Variants in ARHGAP36 observed in about 807,000 individuals in gnomAD.
ARHGAP36 encodes the protein Rho GTPase activating protein 36.
In ARHGAP36, 7 loss-of-function variants were observed where a neutral mutation model predicts 32.9. The ratio of observed to expected loss-of-function variants is 0.21; its 90% CI spans 0.12 to 0.40. The LOEUF is 0.40. Ranked by LOEUF, ARHGAP36 falls within the 10% of genes least tolerant of loss-of-function variation. The pLI, the probability that ARHGAP36 is intolerant of heterozygous loss-of-function variation, is 1.00. For missense variants in ARHGAP36, 383 were observed against 442.2 expected (o/e 0.87, Z 1.20); for synonymous variants, 165 against 168.3 (o/e 0.98, Z 0.15).
rs768581840 is a variant in ARHGAP36, at chrX:131,081,784, G to T, written c.119G>T (p.Gly40Val). 8.3e-7 allele frequency: 1 copy of T among 1,211,987 alleles called. No homozygotes were observed. The change falls in exon 2 of 12, where the codon GGA (glycine) becomes GTA (valine). Residue 40 changes from glycine (G) to valine (V), a missense_variant. Gly to Val is a moderately radical substitution (Grantham distance 109). Coordinates refer to ENST00000276211, the MANE Select transcript of ARHGAP36 (RefSeq NM_144967.4). ...FLVSVLGGAPGHNPDRRTKMV... is the reference protein window; with the variant it reads ...FLVSVLGGAPVHNPDRRTKMV... ...GTGAGTGTCTTGGGAGGAGCCCCAGGACACAACCCCGACCGCAGGACGAAG... is the reference window on the plus strand; with the variant it reads ...GTGAGTGTCTTGGGAGGAGCCCCAGTACACAACCCCGACCGCAGGACGAAG...
rs756805115 is a variant in ARHGAP36 at position 131,080,430 on chromosome X, G to T, written c.-142-1094G>T. Among the ~76,000 whole-genome samples, 3 of 110,770 alleles carry T rather than the reference G, an allele frequency of 2.7e-5. No individual in the cohort carries two copies. In the South Asian group the frequency reaches 1.2e-3, roughly 43 times the overall value. On this transcript the variant is annotated intron_variant, in intron 1 of 11. Coordinates refer to ENST00000276211, the MANE Select transcript of ARHGAP36 (RefSeq NM_144967.4). ...AAAAAAAAAGAAATAGTATTACCTTGCTCATCCTTTCAATCTTTAGCGCCT... is the reference window on the plus strand; with the variant it reads ...AAAAAAAAAGAAATAGTATTACCTTTCTCATCCTTTCAATCTTTAGCGCCT...
chrX:131,082,851 G>C (rs1476212321), intron 2 of ARHGAP36, among the ~76,000 whole-genome samples: 1 of 113,228 alleles, frequency 8.8e-6, no homozygotes, highest in East Asian at 2.8e-4. Context: ...GGGGGCTTCA[G>C]AGCCCCGGAA....
rs769587671 is a variant in ARHGAP36, at chrX:131,083,202, G to C, written c.291G>C (p.Trp97Cys). 2 of 1,209,852 alleles carry C rather than the reference G, an allele frequency of 1.7e-6. No individual in the cohort carries two copies. Among genetic ancestry groups the C allele is most frequent in the Admixed American group, 2.2e-5 (1 of 45,835 alleles). The change falls in exon 3 of 12, where the codon TGG (tryptophan) becomes TGC (cysteine). Residue 97 changes from tryptophan (W) to cysteine (C), a missense_variant. This residue lies in a region of ARHGAP36 where 156 missense variants were observed against 131.0 expected (regional missense o/e 1.19). Coordinates refer to ENST00000276211, the MANE Select transcript of ARHGAP36 (RefSeq NM_144967.4). ...ACCGTCCGAACACCTTGGATAAGTG[G>C]TTTCTGATTTTGAGAGGACAGCAGA... ...PIDRPNTLDKWFLILRGQQRA... is the reference protein window; with the variant it reads ...PIDRPNTLDKCFLILRGQQRA...
At chrX:131,074,434 G>A (rs1225862178) in intron 1 of ARHGAP36, among the ~76,000 whole-genome samples, 1 of 108,032 alleles carries the variant, frequency 9.3e-6, no homozygotes, top group Non-Finnish European at 1.9e-5. Context: ...TCTGTGAGTG[G>A]GAATATGTGT....
chrX:131,085,828 A>G, intron 8 of ARHGAP36, 85 bp from the exon 9 acceptor site: 1 of 1,176,360 alleles, frequency 8.5e-7, no homozygotes, highest in South Asian at 1.9e-5. Flanking sequence ...GGAGAGAGAG[A>G]AACAAGAATA....
chrX:131,074,523 C>T (rs1003154126), intron 1 of ARHGAP36, among the ~76,000 whole-genome samples: 3 of 111,203 alleles, frequency 2.7e-5, no homozygotes, highest in Non-Finnish European at 5.7e-5. Flanking sequence ...AGAATGAATC[C>T]GAATTTACAG....
chrX:131,075,621 A>ATGTGTGTG (rs764591310), intron 1 of ARHGAP36, among the ~76,000 whole-genome samples: 9 of 28,379 alleles, frequency 3.2e-4, no homozygotes, highest in African/African-American at 9.6e-4. Flanking sequence ...GTGTGTATAT[A>ATGTGTGTG]TATGTGTGTG....
At chrX:131,086,919 AGAT>A (rs1365207184) in intron 11 of ARHGAP36, among the ~76,000 whole-genome samples, 2 of 111,918 alleles carry the variant, frequency 1.8e-5, no homozygotes, top group African/African-American at 3.2e-5. Context: ...TTGATGAGGA[AGAT>A]GATGATGATG....
intron 1 of ARHGAP36, among the ~76,000 whole-genome samples, chrX:131,060,969 G>A (rs1375508774): frequency 8.9e-6 from 1 of 111,809 alleles, no homozygotes; most frequent in East Asian, 2.8e-4. Context: ...GGCTATAATT[G>A]CTTTGGTGCC....
rs2079825797 is a variant in ARHGAP36 at position 131,084,814 on chromosome X, T to G, written c.805-100T>G. The G allele has an allele frequency of 2.6e-6, 3 of 1,168,596 alleles. No homozygotes were observed. In the Admixed American group the frequency reaches 6.8e-5, roughly 26 times the overall value. The stretch of plus-strand genomic sequence containing the variant: ...TTTGTAGCCCCCAGGCCCACCATAT[T>G]GCCAGCTACCTCCACTGAATACTGG... On this transcript the variant is annotated intron_variant, in intron 6 of 11. Transcript: ENST00000276211.
chrX:131,083,205 T>C lies in ARHGAP36; in HGVS notation c.294T>C (p.Phe98=). The C allele has an allele frequency of 1.7e-6, 2 of 1,211,506 alleles. No homozygotes were observed. Among genetic ancestry groups the C allele is most frequent in the East Asian group, 5.9e-5 (2 of 33,840 alleles). Residue 98 remains phenylalanine (F), a synonymous_variant, in exon 3 of 12, where the codon TTT becomes TTC. Transcript: ENST00000276211. ...GTCCGAACACCTTGGATAAGTGGTT[T>C]CTGATTTTGAGAGGACAGCAGAGGG... ...IDRPNTLDKW[F]LILRGQQRAV... is the part of the protein sequence containing the mutation.
At chrX:131,060,575 T>C (rs1383929419) in intron 1 of ARHGAP36, among the ~76,000 whole-genome samples, 1 of 112,683 alleles carries the variant, frequency 8.9e-6, no homozygotes, top group Non-Finnish European at 1.9e-5. Flanking sequence ...GCTACTCTTT[T>C]TCCTTAAGTA....
chrX:131,072,328 A>C (rs151064244), intron 1 of ARHGAP36, among the ~76,000 whole-genome samples: 67 of 112,065 alleles, frequency 6.0e-4, no homozygotes, highest in African/African-American at 2.0e-3. Flanking sequence ...GGCCCTAGAC[A>C]AGAAGACCAG....
chrX:131,068,011 C>CG (rs1406922909), intron 1 of ARHGAP36, among the ~76,000 whole-genome samples: 1 of 111,571 alleles, frequency 9.0e-6, no homozygotes, highest in Non-Finnish European at 1.9e-5. Flanking sequence ...CCACAAACCC[C>CG]GGCAGGAACA....
At chrX:131,069,519 C>G (rs753593524) in intron 1 of ARHGAP36, among the ~76,000 whole-genome samples, 1 of 111,329 alleles carries the variant, frequency 9.0e-6, no homozygotes, top group Non-Finnish European at 1.9e-5. Context: ...TTCCCTCCCT[C>G]TTTCCCCCAC....
chrX:131,088,596 C>T, intron 11 of ARHGAP36, 32 bp from the exon 12 acceptor site: 2 of 1,198,916 alleles, frequency 1.7e-6, no homozygotes, highest in Admixed American at 2.2e-5. Flanking sequence ...AGTCTAGAAA[C>T]ATAAGGAGTT....
At chrX:131,079,521 T>A (rs746610743) in intron 1 of ARHGAP36, among the ~76,000 whole-genome samples, 6 of 107,874 alleles carry the variant, frequency 5.6e-5, no homozygotes, top group Non-Finnish European at 1.2e-4. Flanking sequence ...AAAATTCAAG[T>A]ATGGTTTATT....
intron 1 of ARHGAP36, chrX:131,072,860 G>C (rs985752105): frequency 8.9e-6 from 1 of 112,068 alleles, no homozygotes; most frequent in South Asian, 3.7e-4. Context: ...TCCTCACCGC[G>C]GCAAGCTTTC....
In ARHGAP36 at chrX:131,072,354, A is replaced by G. The variant is rs181845278; in HGVS notation, c.-142-9170A>G. On this transcript the variant is annotated intron_variant, in intron 1 of 11. Transcript: ENST00000276211. Reference sequence around the variant, plus strand: ...AGAAGACCAGAGGCCCTAGACAGGAAGGGGAAACAAAAAGCAGAAAGAGTG... The same window carrying G: ...AGAAGACCAGAGGCCCTAGACAGGAGGGGGAAACAAAAAGCAGAAAGAGTG... 7.1e-5 allele frequency among the ~76,000 whole-genome samples: 8 copies of G among 112,345 alleles called. No homozygotes were observed. In the East Asian group the frequency reaches 2.2e-3, roughly 31 times the overall value.
Sources: allele counts gnomAD v4.1 joint callset (sites outside exome capture counted in the v4.1 genomes callset), GRCh38; gene constraint gnomAD v4.1.1; regional missense constraint gnomAD v4.1.1; transcripts MANE v1.5; gene names NCBI Gene and HGNC (gene_info 2026-07-23, HGNC 2026-07-21).